Variants in GLIS3 observed in about 807,000 individuals in gnomAD.
GLIS3 encodes zinc finger protein GLIS3.
In GLIS3, 53 loss-of-function variants were observed where a neutral mutation model predicts 78.6. That is an observed-to-expected ratio of 0.67 (90% CI 0.54 to 0.85). GLIS3 has a LOEUF of 0.85. GLIS3 is among the 40% of genes least tolerant of loss of function. GLIS3 has a pLI of 0.00. For synonymous variants in GLIS3, 684 were observed against 509.9 expected (o/e 1.34, Z -4.60); for missense variants, 1,703 against 1,231.1 (o/e 1.38, Z -5.74).
chr9:4,304,623 G>A (rs376276846), upstream of GLIS3, among the ~76,000 whole-genome samples: 18 of 152,282 alleles, frequency 1.2e-4, no homozygotes, highest in South Asian at 1.9e-3. Flanking sequence ...AGAGAAGAAG[G>A]TGAATTATTT....
intron 9 of GLIS3, among the ~76,000 whole-genome samples, chr9:3,838,834 C>A (rs1003622839): frequency 6.6e-6 from 1 of 152,182 alleles, no homozygotes; most frequent in African/African-American, 2.4e-5. Flanking sequence ...TTTGTGGAGC[C>A]CTTGCTCTCT....
chr9:4,049,496 C>T (rs1825533211), intron 4 of GLIS3, among the ~76,000 whole-genome samples: 1 of 152,142 alleles, frequency 6.6e-6, no homozygotes, highest in Non-Finnish European at 1.5e-5. Flanking sequence ...GCCCACAGCC[C>T]ACAGATGCCG....
intron 9 of GLIS3, among the ~76,000 whole-genome samples, chr9:3,831,526 G>A (rs978003539): frequency 2.0e-5 from 3 of 152,224 alleles, no homozygotes; most frequent in African/African-American, 7.2e-5. Flanking sequence ...GACATTGCAA[G>A]AGAGTACAAG....
intron 2 of GLIS3, among the ~76,000 whole-genome samples, chr9:4,322,518 A>G (rs1268509157): frequency 6.6e-6 from 1 of 152,216 alleles, no homozygotes; most frequent in South Asian, 2.1e-4. Flanking sequence ...ACTCCCACCA[A>G]TAGTGTAAAA....
At chr9:4,437,880 C>T in the GLIS3 span, among the ~76,000 whole-genome samples, 83,024 of 151,996 alleles carry the variant, frequency 0.55, 23,577 homozygotes, top group South Asian at 0.72. Context: ...CTTAGTTACT[C>T]TATTGAAGGA....
intron 2 of GLIS3, among the ~76,000 whole-genome samples, chr9:4,150,269 C>T (rs1205405039): frequency 2.0e-5 from 3 of 152,210 alleles, no homozygotes; most frequent in African/African-American, 7.2e-5. Context: ...TGATCTTACA[C>T]AACTGGACTG....
intron 2 of GLIS3, among the ~76,000 whole-genome samples, chr9:4,255,225 G>C (rs1824809185): frequency 6.6e-6 from 1 of 152,198 alleles, no homozygotes; most frequent in African/African-American, 2.4e-5. Context: ...ATGCTGACAA[G>C]AATGTGGAGC....
At chr9:4,001,498 G>T (rs1378444758) in intron 4 of GLIS3, among the ~76,000 whole-genome samples, 1 of 152,084 alleles carries the variant, frequency 6.6e-6, no homozygotes, top group Non-Finnish European at 1.5e-5. Context: ...CACAAGACAA[G>T]TTGTATTAAT....
intron 8 of GLIS3, among the ~76,000 whole-genome samples, chr9:3,872,191 T>C (rs904746740): frequency 3.3e-5 from 5 of 152,218 alleles, no homozygotes; most frequent in African/African-American, 4.8e-5. Flanking sequence ...TTATTGTCCG[T>C]ATCTCTATCA....
intron 5 of GLIS3, among the ~76,000 whole-genome samples, chr9:3,935,472 T>C (rs565022863): frequency 2.0e-5 from 3 of 152,304 alleles, no homozygotes; most frequent in South Asian, 2.1e-4. Context: ...TTTCTGAAAA[T>C]GCTCTTAGCT....
intron 2 of GLIS3, among the ~76,000 whole-genome samples, chr9:4,322,465 AG>A (rs1214874048): frequency 1.3e-5 from 2 of 152,184 alleles, no homozygotes; most frequent in Non-Finnish European, 2.9e-5. Context: ...TAGATCCTTG[AG>A]GAATCGCCAC....
intron 2 of GLIS3, among the ~76,000 whole-genome samples, chr9:4,171,494 C>A (rs1816369936): frequency 6.6e-6 from 1 of 152,182 alleles, no homozygotes. Context: ...GAATAAACCT[C>A]ATTCACTTAA....
intron 4 of GLIS3, among the ~76,000 whole-genome samples, chr9:3,954,988 C>T (rs758122233): frequency 2.0e-5 from 3 of 152,070 alleles, no homozygotes; most frequent in South Asian, 2.1e-4. Flanking sequence ...AAGAGAGATG[C>T]GAAAGCTCAA....
chr9:4,134,740 C>A (rs534681549), intron 2 of GLIS3, among the ~76,000 whole-genome samples: 1 of 152,254 alleles, frequency 6.6e-6, no homozygotes, highest in African/African-American at 2.4e-5. Context: ...TCTTTCTAGC[C>A]ATTTTTTAAA....
intron 2 of GLIS3, chr9:4,145,235 G>T (rs537249079): frequency 6.6e-6 from 1 of 152,236 alleles, no homozygotes. Context: ...ACTGATCCAG[G>T]ATCAGCCTAC....
At chr9:4,318,620 CAG>C (rs753945182) in intron 2 of GLIS3, among the ~76,000 whole-genome samples, 1 of 151,982 alleles carries the variant, frequency 6.6e-6, no homozygotes, top group Non-Finnish European at 1.5e-5. Flanking sequence ...GATGTTCACA[CAG>C]AGATAAAAAA....
intron 4 of GLIS3, among the ~76,000 whole-genome samples, chr9:4,051,759 A>G (rs1280706859): frequency 6.6e-6 from 1 of 152,228 alleles, no homozygotes; most frequent in African/African-American, 2.4e-5. Flanking sequence ...AATTTCTCCC[A>G]TATGTCAGAT....
chr9:4,033,714 C>G (rs1038937020), intron 4 of GLIS3, among the ~76,000 whole-genome samples: 1 of 151,978 alleles, frequency 6.6e-6, no homozygotes, highest in African/African-American at 2.4e-5. Context: ...AAACAGGGAC[C>G]TATTTTGTCC....
At chr9:3,944,350 A>C (rs1169089562) in intron 4 of GLIS3, among the ~76,000 whole-genome samples, 1 of 152,250 alleles carries the variant, frequency 6.6e-6, no homozygotes, top group African/African-American at 2.4e-5. Flanking sequence ...CATGGGCATT[A>C]TATCATAACT....
Sources: allele counts gnomAD v4.1 joint callset (sites outside exome capture counted in the v4.1 genomes callset), GRCh38; gene constraint gnomAD v4.1.1; transcripts MANE v1.5; gene names NCBI Gene and HGNC (gene_info 2026-07-23, HGNC 2026-07-21).